Variants in SORCS2 observed in about 807,000 individuals in gnomAD.
SORCS2 encodes sortilin related VPS10 domain containing receptor 2, also known as VPS10 domain-containing receptor SorCS2.
In SORCS2, 100 loss-of-function variants were observed where a neutral mutation model predicts 141.6. That is an observed-to-expected ratio of 0.71 (90% CI 0.60 to 0.83). The LOEUF (loss-of-function observed/expected upper bound fraction) is 0.83, where lower values mean the gene tolerates loss of function less well. Among genes scored for constraint, SORCS2 ranks in the 40% least tolerant of loss-of-function variants. The pLI is 0.00. For synonymous variants in SORCS2, 789 were observed against 676.9 expected, an observed-to-expected ratio of 1.17 and a Z score of -2.57; for missense variants, 1,646 against 1,560.2, an observed-to-expected ratio of 1.05 and a Z score of -0.93.
At chr4:7,246,202 G>A (rs1387066698) in intron 1 of SORCS2, among the ~76,000 whole-genome samples, 2 of 152,222 alleles carry the variant, frequency 1.3e-5, no homozygotes, top group African/African-American at 4.8e-5. Context: ...ATCATTCTAT[G>A]GCCTGGGTCC....
chr4:7,620,549 G>A (rs1350785533), intron 3 of SORCS2, among the ~76,000 whole-genome samples: 1 of 152,240 alleles, frequency 6.6e-6, no homozygotes, highest in Non-Finnish European at 1.5e-5. Context: ...GGGGAAGCGG[G>A]CAGCTGAGTT....
chr4:7,348,134 G>A (rs1022044899), intron 1 of SORCS2, among the ~76,000 whole-genome samples: 8 of 152,316 alleles, frequency 5.3e-5, no homozygotes, highest in East Asian at 3.9e-4. Context: ...CCAAGGAGCC[G>A]GAGGAGCCGA....
At chr4:7,512,508 C>T (rs1732726681) in intron 2 of SORCS2, among the ~76,000 whole-genome samples, 1 of 152,076 alleles carries the variant, frequency 6.6e-6, no homozygotes, top group Admixed American at 6.5e-5. Context: ...CAGCAAGGAA[C>T]CCTTAGTGCC....
rs549394688 is a variant in SORCS2, at chr4:7,714,098, C to G, written c.1990-142C>G. 4.9e-6 allele frequency: 6 copies of G among 1,224,988 alleles called. No individual in the cohort carries two copies. In the South Asian group the frequency reaches 9.3e-5, roughly 19 times the overall value. The allele number at this position is 1,224,988 out of a possible 1,614,324, so 75.9% of individuals were successfully genotyped here. On this transcript the variant is annotated intron_variant, in intron 15 of 26. Transcript: ENST00000507866. Reference sequence around the variant, plus strand: ...CCCCAACTTGACTGCAGACATGTCACGCCCCATTATGGGCCTCAGTTTCCC... The same window carrying G: ...CCCCAACTTGACTGCAGACATGTCAGGCCCCATTATGGGCCTCAGTTTCCC...
intron 1 of SORCS2, among the ~76,000 whole-genome samples, chr4:7,366,891 G>A (rs762496459): frequency 4.6e-5 from 7 of 152,222 alleles, no homozygotes; most frequent in Non-Finnish European, 8.8e-5. Context: ...GCATTCCTTT[G>A]CTCCTTTGTT....
At chr4:7,477,972 C>G (rs917143016) in intron 2 of SORCS2, among the ~76,000 whole-genome samples, 4 of 152,160 alleles carry the variant, frequency 2.6e-5, no homozygotes, top group Non-Finnish European at 5.9e-5. Flanking sequence ...ATGTGTGTCT[C>G]AGAATGGTGC....
At chr4:7,281,717 C>T (rs1266533160) in intron 1 of SORCS2, among the ~76,000 whole-genome samples, 1 of 152,190 alleles carries the variant, frequency 6.6e-6, no homozygotes, top group Non-Finnish European at 1.5e-5. Context: ...GCAGGCTCCC[C>T]CATGAGAATA....
chr4:7,371,175 C>A (rs917573870), intron 1 of SORCS2, among the ~76,000 whole-genome samples: 3 of 152,196 alleles, frequency 2.0e-5, no homozygotes, highest in Non-Finnish European at 4.4e-5. Context: ...GCAGGTGTCC[C>A]CCTCAACCTG....
chr4:7,571,253 G>C (rs541590844), intron 3 of SORCS2, among the ~76,000 whole-genome samples: 2 of 152,338 alleles, frequency 1.3e-5, no homozygotes, highest in East Asian at 3.9e-4. Context: ...TGCAACCACA[G>C]AGTCTAGCCA....
chr4:7,231,083 A>C (rs1248953362), intron 1 of SORCS2, among the ~76,000 whole-genome samples: 5 of 152,234 alleles, frequency 3.3e-5, no homozygotes, highest in Admixed American at 2.6e-4. Context: ...TCTATGACAG[A>C]GGTTTGTTAT....
At chr4:7,550,229 C>G (rs907718105) in intron 3 of SORCS2, among the ~76,000 whole-genome samples, 3 of 151,856 alleles carry the variant, frequency 2.0e-5, no homozygotes, top group Non-Finnish European at 4.4e-5. Context: ...TGTGAACCGC[C>G]CTGAGACTGT....
At chr4:7,636,749 C>T (rs958432460) in intron 3 of SORCS2, among the ~76,000 whole-genome samples, 1 of 152,012 alleles carries the variant, frequency 6.6e-6, no homozygotes, top group Admixed American at 6.6e-5. Flanking sequence ...CCTCCCAGCC[C>T]GAATAACACG....
intron 4 of SORCS2, among the ~76,000 whole-genome samples, chr4:7,645,759 C>T (rs192703269): frequency 6.6e-6 from 1 of 152,316 alleles, no homozygotes; most frequent in Admixed American, 6.5e-5. Context: ...TTAAAAAGTC[C>T]TTTCTGAATA....
chr4:7,525,881 CCCTCCTCAGTCACCTGTCT>C (rs1560356309), intron 2 of SORCS2, among the ~76,000 whole-genome samples: 1 of 97,188 alleles, frequency 1.0e-5, no homozygotes, highest in Non-Finnish European at 2.0e-5. Context: ...GTCACCTGTC[CCCTCCTCAGTCACCTGTCT>C]CCTCCTGCAG....
intron 1 of SORCS2, among the ~76,000 whole-genome samples, chr4:7,256,851 G>A (rs4376139): frequency 0.89 from 133,995 of 150,672 alleles, 59,811 homozygotes; most frequent in African/African-American, 0.95. Flanking sequence ...TGGCAGAGCC[G>A]GATAGGGCTG....
intron 1 of SORCS2, among the ~76,000 whole-genome samples, chr4:7,332,942 C>G (rs894680055): frequency 4.6e-5 from 7 of 150,542 alleles, no homozygotes; most frequent in African/African-American, 1.2e-4. Flanking sequence ...ATCAGCAAAA[C>G]AGGGAGAGCC....
At chr4:7,677,051 C>T (rs867393647) in intron 9 of SORCS2, among the ~76,000 whole-genome samples, 4 of 151,832 alleles carry the variant, frequency 2.6e-5, no homozygotes, top group African/African-American at 4.8e-5. Flanking sequence ...CTCACACTCG[C>T]TTGCTTTCAC....
At chr4:7,425,629 G>C (rs895647163) in intron 2 of SORCS2, among the ~76,000 whole-genome samples, 21 of 152,208 alleles carry the variant, frequency 1.4e-4, no homozygotes, top group Admixed American at 1.2e-3. Flanking sequence ...AGGAGGCCCA[G>C]GTGCCAAATC....
chr4:7,286,735 C>T lies in SORCS2; in HGVS notation c.480+93609C>T, dbSNP rs1382080392. On this transcript the variant is annotated intron_variant, in intron 1 of 26. Coordinates refer to ENST00000507866, the MANE Select transcript of SORCS2 (RefSeq NM_020777.3). This position sits in a 1 kb window ranked among gnomAD's most constrained non-coding sequence, Gnocchi z 4.1. ...TTTTTCCACAATGCCTCAGAGGTTG[C>T]ACATGTTCACGGGCCTCGGTTAACC... Among the ~76,000 whole-genome samples the T allele has an allele frequency of 6.6e-6, 1 of 152,216 alleles. No homozygotes were observed. Among genetic ancestry groups the T allele is most frequent in the Non-Finnish European group, 1.5e-5 (1 of 68,034 alleles).
Sources: gnomAD v4.1 joint callset for allele counts (sites outside exome capture counted in the v4.1 genomes callset) on GRCh38, gnomAD v4.1.1 for gene constraint, Gnocchi (gnomAD v3.1) non-coding constraint, MANE v1.5 for transcripts, NCBI Gene and HGNC (gene_info 2026-07-23, HGNC 2026-07-21) for gene names.